Variants in HTR1E observed in about 807,000 individuals in gnomAD.
The protein encoded by HTR1E is 5-hydroxytryptamine receptor 1E, also known as 5-HT-1E.
HTR1E carries 3 observed loss-of-function variants against 3.4 expected under a neutral mutation model. That is an observed-to-expected ratio of 0.89 (90% CI 0.41 to 2.31). The LOEUF (loss-of-function observed/expected upper bound fraction) is 2.31. HTR1E is among the 30% of genes most tolerant of loss of function. The pLI is 0.05. For synonymous variants in HTR1E, 170 were observed against 182.8 expected, an observed-to-expected ratio of 0.93 and a Z score of 0.56; for missense variants, 392 against 467.0, an observed-to-expected ratio of 0.84 and a Z score of 1.48.
intron 1 of HTR1E, among the ~76,000 whole-genome samples, chr6:86,990,804 G>T (rs1328700000): frequency 6.6e-6 from 1 of 152,090 alleles, no homozygotes; most frequent in Non-Finnish European, 1.5e-5. Flanking sequence ...TCCATATAAT[G>T]TATGTTCATA....
chr6:86,980,427 G>A (rs1287780577), intron 1 of HTR1E, among the ~76,000 whole-genome samples: 1 of 151,520 alleles, frequency 6.6e-6, no homozygotes, highest in Non-Finnish European at 1.5e-5. Flanking sequence ...TCAAAACAGG[G>A]TCATGGATGA....
At position 87,015,778 on chromosome 6, in the gene HTR1E, C is replaced by T; in HGVS notation, c.444C>T (p.Thr148=). Residue 148 remains threonine, a synonymous_variant, in exon 2 of 2, where the codon ACC becomes ACT. Transcript: ENST00000305344. ...CGCTGATGATCCTTACCGTCTGGAC[C>T]ATCTCCATTTTCATCTCCATGCCCC... is the stretch of plus-strand genomic sequence containing the variant. ...RAALMILTVW[T]ISIFISMPPL... The T allele has an allele frequency of 1.2e-6, 2 of 1,610,654 alleles. No individual in the cohort carries two copies. The highest frequency in any genetic ancestry group is 1.3e-5 in the African/African-American group (1 of 74,986).
chr6:87,011,865 G>GA (rs201215384), intron 1 of HTR1E, among the ~76,000 whole-genome samples: 116 of 150,770 alleles, frequency 7.7e-4, no homozygotes, highest in Middle Eastern at 6.8e-3. Flanking sequence ...GAAAGGGTTA[G>GA]AAAAAAAAAT....
At chr6:86,997,390 GAAGA>G (rs141309750) in intron 1 of HTR1E, among the ~76,000 whole-genome samples, 17,084 of 151,454 alleles carry the variant, frequency 0.11, 1,440 homozygotes, top group East Asian at 0.27. Flanking sequence ...ATATGAGAAA[GAAGA>G]AATAAAAATG....
At chr6:86,985,798 T>G (rs936348642) in intron 1 of HTR1E, among the ~76,000 whole-genome samples, 1 of 152,216 alleles carries the variant, frequency 6.6e-6, no homozygotes, top group Non-Finnish European at 1.5e-5. Flanking sequence ...TTTGGAGAAC[T>G]GAATAAAATT....
At chr6:86,995,896 A>G (rs1181286401) in intron 1 of HTR1E, among the ~76,000 whole-genome samples, 2 of 152,050 alleles carry the variant, frequency 1.3e-5, no homozygotes, top group African/African-American at 4.8e-5. Context: ...ACATTACATA[A>G]TGATAAAAAG....
intron 1 of HTR1E, among the ~76,000 whole-genome samples, chr6:87,009,976 C>A (rs1197917830): frequency 7.7e-6 from 1 of 129,716 alleles, no homozygotes; most frequent in Non-Finnish European, 1.6e-5. Flanking sequence ...AGGCGCCCCT[C>A]ACCTCCCAGA....
chr6:86,999,159 G>T (rs573263145), intron 1 of HTR1E, among the ~76,000 whole-genome samples: 3 of 151,836 alleles, frequency 2.0e-5, no homozygotes, highest in African/African-American at 7.3e-5. Flanking sequence ...ACGGGGATTC[G>T]CCATGTTAGT....
At position 86,938,111 on chromosome 6, in the gene HTR1E, C is replaced by T. The variant is rs180998630; in HGVS notation, c.-186+288C>T. Among the ~76,000 whole-genome samples the T allele has an allele frequency of 8.5e-5, 13 of 152,304 alleles. No individual in the cohort carries two copies. In the East Asian group the frequency reaches 2.3e-3, roughly 27 times the overall value. On this transcript the variant is annotated intron_variant, in intron 1 of 1. Coordinates refer to ENST00000305344, the MANE Select transcript of HTR1E (RefSeq NM_000865.3). ...TTGAGCATTTCATCCTGCTTCCTTG[C>T]AAAAGGATTAGAGGCAGCTTAAAGA...
intron 1 of HTR1E, among the ~76,000 whole-genome samples, chr6:86,957,426 T>C (rs1367133805): frequency 6.6e-6 from 1 of 152,240 alleles, no homozygotes; most frequent in African/African-American, 2.4e-5. Flanking sequence ...TATTAGGACA[T>C]TTGAAAGTTT....
chr6:86,998,941 TG>T (rs1411357373), intron 1 of HTR1E, among the ~76,000 whole-genome samples: 7 of 152,158 alleles, frequency 4.6e-5, no homozygotes, highest in African/African-American at 1.2e-4. Flanking sequence ...TTGGGGGGGT[TG>T]TTTTTTTGTT....
At chr6:86,975,978 G>A (rs1449481556) in intron 1 of HTR1E, among the ~76,000 whole-genome samples, 1 of 150,212 alleles carries the variant, frequency 6.7e-6, no homozygotes, top group Non-Finnish European at 1.5e-5. Context: ...CCTTTACCAT[G>A]AAAGCTTATT....
chr6:86,967,525 T>A (rs1040864773), intron 1 of HTR1E, among the ~76,000 whole-genome samples: 1 of 152,202 alleles, frequency 6.6e-6, no homozygotes, highest in Admixed American at 6.5e-5. Flanking sequence ...TATTATTATT[T>A]AACATTCGTT....
At chr6:86,976,703 T>A (rs986537337) in intron 1 of HTR1E, among the ~76,000 whole-genome samples, 2 of 152,222 alleles carry the variant, frequency 1.3e-5, no homozygotes, top group African/African-American at 4.8e-5. Context: ...AAACTACACA[T>A]TTCATCACGT....
At chr6:86,940,202 G>A (rs906679139) in intron 1 of HTR1E, among the ~76,000 whole-genome samples, 2 of 151,912 alleles carry the variant, frequency 1.3e-5, no homozygotes, top group Non-Finnish European at 2.9e-5. Flanking sequence ...GGCTCAATAT[G>A]CTACCCCCAC....
At chr6:86,950,554 G>A (rs1397496034) in intron 1 of HTR1E, among the ~76,000 whole-genome samples, 1 of 152,150 alleles carries the variant, frequency 6.6e-6, no homozygotes, top group African/African-American at 2.4e-5. Flanking sequence ...TCTGTGATAA[G>A]AATAATATCA....
chr6:86,941,167 A>G (rs1768539516), intron 1 of HTR1E, among the ~76,000 whole-genome samples: 1 of 152,236 alleles, frequency 6.6e-6, no homozygotes, highest in African/African-American at 2.4e-5. Flanking sequence ...ACCAAAGTTC[A>G]TCTTCCTGGT....
At chr6:86,959,262 C>G (rs1279978328) in intron 1 of HTR1E, among the ~76,000 whole-genome samples, 1 of 151,724 alleles carries the variant, frequency 6.6e-6, no homozygotes, top group Non-Finnish European at 1.5e-5. Context: ...TTAATCTCAT[C>G]TTAAAAAAAG....
chr6:87,010,358 C>CT (rs1768197392), intron 1 of HTR1E, among the ~76,000 whole-genome samples: 1 of 102,974 alleles, frequency 9.7e-6, no homozygotes, highest in Non-Finnish European at 2.0e-5. Context: ...GCTGGCCGGG[C>CT]GGGGGGCTGA....
Sources: allele counts gnomAD v4.1 joint callset (sites outside exome capture counted in the v4.1 genomes callset), GRCh38; gene constraint gnomAD v4.1.1; transcripts MANE v1.5; gene names NCBI Gene and HGNC (gene_info 2026-07-23, HGNC 2026-07-21).